UNC13C: variants seen among roughly 807,000 people sequenced by gnomAD.
UNC13C encodes protein unc-13 homolog C.
Under a neutral mutation model 245.4 loss-of-function variants are expected in UNC13C, and 174 were observed. The ratio of observed to expected loss-of-function variants is 0.71; its 90% CI spans 0.63 to 0.80. UNC13C has a LOEUF of 0.80. Ranked by LOEUF, UNC13C falls within the 30% of genes least tolerant of loss-of-function variation. The probability of loss-of-function intolerance (pLI) is 0.00; values close to 1 mark genes in which losing one functional copy is unlikely to be tolerated. For missense variants in UNC13C, 2,829 were observed against 2,602.9 expected (o/e 1.09, Z -1.89); for synonymous variants, 992 against 895.1 (o/e 1.11, Z -1.93).
At chr15:54,555,410 C>T (rs775697304) in intron 28 of UNC13C, 22 bp from the exon 29 acceptor site, 1 of 1,606,582 alleles carries the variant, frequency 6.2e-7, no homozygotes, top group Non-Finnish European at 8.5e-7. Flanking sequence ...GTTTTATAAG[C>T]AATTCTTCAC....
the UNC13C span, among the ~76,000 whole-genome samples, chr15:53,892,204 C>T: frequency 6.6e-6 from 1 of 152,134 alleles, no homozygotes; most frequent in Non-Finnish European, 1.5e-5. Context: ...AGTATTGGCC[C>T]CCGCTCTCCT....
intron 2 of UNC13C, among the ~76,000 whole-genome samples, chr15:54,121,811 C>T (rs1180456623): frequency 6.6e-6 from 1 of 151,794 alleles, no homozygotes; most frequent in African/African-American, 2.4e-5. Flanking sequence ...ATTCTTTTAT[C>T]TCTTTCAAAA....
At chr15:53,999,027 T>A (rs1317753525) in intron 1 of UNC13C, among the ~76,000 whole-genome samples, 2 of 152,040 alleles carry the variant, frequency 1.3e-5, no homozygotes, top group Non-Finnish European at 2.9e-5. Flanking sequence ...ACATTTTTCA[T>A]CTACGTTCAT....
At chr15:54,429,867 GGATAAAAT>G (rs751875753) in intron 19 of UNC13C, among the ~76,000 whole-genome samples, 12 of 151,566 alleles carry the variant, frequency 7.9e-5, no homozygotes, top group Non-Finnish European at 1.5e-4. Flanking sequence ...ATATAGTTGT[GGATAAAAT>G]GTAAGTGATT....
At chr15:54,205,503 G>A (rs761243992) in intron 4 of UNC13C, among the ~76,000 whole-genome samples, 1 of 152,026 alleles carries the variant, frequency 6.6e-6, no homozygotes, top group African/African-American at 2.4e-5. Context: ...TTAGCATCCC[G>A]CCTCATACCT....
chr15:54,460,994 G>A (rs573712557), intron 19 of UNC13C, among the ~76,000 whole-genome samples: 17 of 152,068 alleles, frequency 1.1e-4, no homozygotes, highest in African/African-American at 4.1e-4. Context: ...TTTTATGTTT[G>A]TTGACTAATT....
chr15:54,307,566 G>C (rs868620806), intron 13 of UNC13C, among the ~76,000 whole-genome samples: 1 of 151,888 alleles, frequency 6.6e-6, no homozygotes, highest in South Asian at 2.1e-4. Flanking sequence ...AGGGGGAAGA[G>C]AACAAAGAGA....
chr15:54,447,124 C>T (rs1399131829), intron 19 of UNC13C, among the ~76,000 whole-genome samples: 2 of 152,158 alleles, frequency 1.3e-5, no homozygotes, highest in East Asian at 1.9e-4. Context: ...ACCAGCCTTG[C>T]ATCCCAGGTA....
At chr15:54,491,710 T>G (rs1477868773) in intron 19 of UNC13C, among the ~76,000 whole-genome samples, 1 of 152,148 alleles carries the variant, frequency 6.6e-6, no homozygotes, top group African/African-American at 2.4e-5. Context: ...TTTTAAAATT[T>G]AGGCACACCT....
At chr15:54,183,447 A>G (rs1469878382) in intron 4 of UNC13C, among the ~76,000 whole-genome samples, 2 of 151,648 alleles carry the variant, frequency 1.3e-5, no homozygotes, top group Non-Finnish European at 2.9e-5. Flanking sequence ...AAAGCAAAAG[A>G]TTATTTTTCA....
chr15:54,187,415 C>G (rs1485397874), intron 4 of UNC13C, among the ~76,000 whole-genome samples: 1 of 152,010 alleles, frequency 6.6e-6, no homozygotes, highest in Non-Finnish European at 1.5e-5. Flanking sequence ...TCATAAAGAT[C>G]AAAACCATTA....
chr15:54,033,322 T>A (rs1168022864), intron 2 of UNC13C, among the ~76,000 whole-genome samples: 31 of 152,186 alleles, frequency 2.0e-4, no homozygotes, highest in Admixed American at 2.0e-3. Flanking sequence ...TTCACACATT[T>A]TGGAAGAGGT....
intron 30 of UNC13C, among the ~76,000 whole-genome samples, chr15:54,620,313 T>A (rs28391429): frequency 2.0e-5 from 3 of 151,944 alleles, no homozygotes; most frequent in African/African-American, 7.3e-5. Flanking sequence ...GACAAGCAAT[T>A]TGAGAAAGGA....
At chr15:54,242,376 A>C (rs1210052903) in intron 7 of UNC13C, among the ~76,000 whole-genome samples, 1 of 152,100 alleles carries the variant, frequency 6.6e-6, no homozygotes, top group East Asian at 1.9e-4. Flanking sequence ...TAGACAATTT[A>C]TATTTTTTCA....
chr15:54,095,776 G>A (rs1195163760), intron 2 of UNC13C, among the ~76,000 whole-genome samples: 2 of 152,064 alleles, frequency 1.3e-5, no homozygotes, highest in Admixed American at 6.6e-5. Context: ...CAAATTTATC[G>A]ACCACTATTA....
At chr15:54,432,402 A>G (rs2040890268) in intron 19 of UNC13C, among the ~76,000 whole-genome samples, 1 of 151,294 alleles carries the variant, frequency 6.6e-6, no homozygotes, top group Admixed American at 6.6e-5. Flanking sequence ...TAACCAGTTG[A>G]AAAGGGTTTG....
At chr15:54,261,506 G>T (rs562520898) in intron 8 of UNC13C, among the ~76,000 whole-genome samples, 1 of 150,072 alleles carries the variant, frequency 6.7e-6, no homozygotes, top group South Asian at 2.1e-4. Context: ...AAATGCAAAA[G>T]TAGAAATTTT....
At chr15:54,310,755 T>C (rs200606644) in intron 13 of UNC13C, among the ~76,000 whole-genome samples, 2 of 122,924 alleles carry the variant, frequency 1.6e-5, no homozygotes, top group East Asian at 4.9e-4. Flanking sequence ...TCTATATCTA[T>C]ATCTATATCT....
chr15:53,857,092 G>A, the UNC13C span, among the ~76,000 whole-genome samples: 5 of 151,924 alleles, frequency 3.3e-5, no homozygotes, highest in African/African-American at 1.2e-4. Context: ...CACCGTGCCC[G>A]GCCCCAATCT....
Sources: gnomAD v4.1 joint callset for allele counts (sites outside exome capture counted in the v4.1 genomes callset) on GRCh38, gnomAD v4.1.1 for gene constraint, MANE v1.5 for transcripts, NCBI Gene and HGNC (gene_info 2026-07-23, HGNC 2026-07-21) for gene names.